Variants in TMEM196 observed in about 807,000 individuals in gnomAD.
TMEM196 encodes transmembrane protein 196.
In TMEM196, 17 loss-of-function variants were observed where a neutral mutation model predicts 20.0. That is an observed-to-expected ratio of 0.85 (90% CI 0.58 to 1.27). The LOEUF (loss-of-function observed/expected upper bound fraction) is 1.27, where lower values mean the gene tolerates loss of function less well. TMEM196 is among the 50% of genes most tolerant of loss of function. TMEM196 has a pLI of 0.00. For synonymous variants in TMEM196, 113 were observed against 88.9 expected, an observed-to-expected ratio of 1.27 and a Z score of -1.52; for missense variants, 267 against 223.0, an observed-to-expected ratio of 1.20 and a Z score of -1.26.
chr7:19,763,622 C>T (rs941714163), intron 1 of TMEM196, among the ~76,000 whole-genome samples: 2 of 152,040 alleles, frequency 1.3e-5, no homozygotes, highest in Non-Finnish European at 2.9e-5. Context: ...AGCCTAGAGT[C>T]CAAGGTCAAT....
At position 19,773,243 on chromosome 7, in the gene TMEM196, G is replaced by C. The variant is rs1785965526; in HGVS notation, c.-547C>G. 6.6e-6 allele frequency: 1 copy of C among 152,354 alleles called. No individual in the cohort carries two copies. The highest frequency in any genetic ancestry group is 1.5e-5 in the Non-Finnish European group (1 of 68,144). The allele number at this position is 152,354 out of a possible 1,614,324, so 9.4% of individuals were successfully genotyped here. On this transcript the variant is annotated 5_prime_UTR_variant, in exon 1 of 5. Transcript: ENST00000405844. ...CTTTGTTTTCGTGGCAATGCGAAGT[G>C]CTTCTGCAAGTCTCTGGGTCCCCAG...
At chr7:19,761,393 T>C (rs17141931) in intron 1 of TMEM196, among the ~76,000 whole-genome samples, 14,519 of 152,262 alleles carry the variant, frequency 0.095, 1,223 homozygotes, top group African/African-American at 0.22. Flanking sequence ...TCTTCCACTA[T>C]AGAAAATTTC....
At chr7:19,769,643 T>C (rs1012920748) in intron 1 of TMEM196, among the ~76,000 whole-genome samples, 2 of 152,090 alleles carry the variant, frequency 1.3e-5, no homozygotes, top group Non-Finnish European at 2.9e-5. Flanking sequence ...ATCAGCCCTT[T>C]ATATTCCCAA....
In TMEM196 at chr7:19,769,544, C is replaced by T. The variant is rs561400720; in HGVS notation, c.147+3006G>A. 2.0e-5 allele frequency among the ~76,000 whole-genome samples: 3 copies of T among 152,104 alleles called. No homozygotes were observed. In the South Asian group the frequency reaches 6.2e-4, roughly 32 times the overall value. ...ACTGAAAGACTCTCTCTTCTCATGC[C>T]CTCCACTGCCAGTCTGTGCACTCAG... is the stretch of plus-strand genomic sequence containing the variant. On this transcript the variant is annotated intron_variant, in intron 1 of 4. Transcript: ENST00000405844.
At chr7:19,745,407 T>C (rs1165384305) in intron 1 of TMEM196, among the ~76,000 whole-genome samples, 4 of 151,972 alleles carry the variant, frequency 2.6e-5, no homozygotes, top group African/African-American at 9.7e-5. Flanking sequence ...TTGCTCCCAG[T>C]AAAAAGATTT....
chr7:19,744,439 AT>A (rs1248061418), intron 1 of TMEM196, among the ~76,000 whole-genome samples: 3 of 152,262 alleles, frequency 2.0e-5, no homozygotes, highest in Non-Finnish European at 2.9e-5. Context: ...AGCCTGACAG[AT>A]TTTCTGTTTC....
chr7:19,725,912 AT>A (rs61617474), intron 2 of TMEM196, 144 bp from the exon 3 acceptor site: 10,700 of 885,542 alleles, frequency 0.012, 298 homozygotes, highest in African/African-American at 0.1. Flanking sequence ...AGGACAGGAG[AT>A]TTTTTTTTTA....
chr7:19,773,398 T>G lies in TMEM196; in HGVS notation c.-702A>C, dbSNP rs1270291836. ...CTCGTCGTCGTCCTCTTCCTCCTCC[T>G]TTCTCTCGAGCTGATTCTCTTTCAT... On this transcript the variant is annotated 5_prime_UTR_variant, in exon 1 of 5. Coordinates refer to ENST00000405844, the MANE Select transcript of TMEM196 (RefSeq NM_001363562.2). 1.2e-5 allele frequency: 2 copies of G among 161,096 alleles called. No homozygotes were observed. The highest frequency in any genetic ancestry group is 4.8e-5 in the African/African-American group (2 of 41,518). 10.0% of individuals were successfully genotyped at this position (161,096 alleles called of 1,614,324 possible). A position where few individuals can be genotyped will look rare whatever the true frequency, so the allele number is the denominator to read the frequency against.
At chr7:19,732,844 C>T (rs933769854) in intron 1 of TMEM196, among the ~76,000 whole-genome samples, 6 of 152,174 alleles carry the variant, frequency 3.9e-5, no homozygotes, top group African/African-American at 1.2e-4. Flanking sequence ...TTTCAAAATA[C>T]ACTTTCTTTT....
intron 2 of TMEM196, among the ~76,000 whole-genome samples, chr7:19,727,465 G>A (rs1187673390): frequency 1.3e-5 from 2 of 152,060 alleles, no homozygotes; most frequent in African/African-American, 4.8e-5. Context: ...TAATGAACGG[G>A]TAAAATCTTT....
intron 1 of TMEM196, among the ~76,000 whole-genome samples, chr7:19,744,360 T>TA: frequency 6.6e-6 from 1 of 152,260 alleles, no homozygotes; most frequent in Non-Finnish European, 1.5e-5. Context: ...CTACAGAGAA[T>TA]AAAAAATAAC....
intron 2 of TMEM196, among the ~76,000 whole-genome samples, chr7:19,728,046 T>A (rs553439946): frequency 9.9e-5 from 15 of 152,232 alleles, no homozygotes; most frequent in African/African-American, 2.9e-4. Flanking sequence ...TGGGCGGTAG[T>A]TTCTTAAAAA....
chr7:19,734,276 T>C (rs553452182), intron 1 of TMEM196, among the ~76,000 whole-genome samples: 88 of 152,290 alleles, frequency 5.8e-4, no homozygotes, highest in African/African-American at 1.9e-3. Flanking sequence ...ACTTTCAAAC[T>C]TTTCAATGTA....
chr7:19,727,111 T>C (rs1188909669), intron 2 of TMEM196, among the ~76,000 whole-genome samples: 2 of 152,192 alleles, frequency 1.3e-5, no homozygotes, highest in Non-Finnish European at 2.9e-5. Flanking sequence ...TCATTGACGG[T>C]TGAGTTTAGC....
At chr7:19,742,253 C>A (rs974675000) in intron 1 of TMEM196, among the ~76,000 whole-genome samples, 2 of 152,088 alleles carry the variant, frequency 1.3e-5, no homozygotes, top group Non-Finnish European at 2.9e-5. Flanking sequence ...TCATGCCATG[C>A]CTATCTAAAA....
intron 1 of TMEM196, among the ~76,000 whole-genome samples, chr7:19,750,042 ATGTCTACCCAT>A (rs1784902411): frequency 6.6e-6 from 1 of 152,188 alleles, no homozygotes; most frequent in Non-Finnish European, 1.5e-5. Flanking sequence ...TATACCCAGC[ATGTCTACCCAT>A]TGTCTACACA....
intron 2 of TMEM196, 61 bp from the exon 3 acceptor site, chr7:19,725,829 T>C: frequency 6.6e-7 from 1 of 1,509,748 alleles, no homozygotes; most frequent in Non-Finnish European, 8.9e-7. Context: ...AGAACACAGT[T>C]GCCCTGTCCG....
At chr7:19,732,191 C>T (rs1784227689) in intron 1 of TMEM196, among the ~76,000 whole-genome samples, 2 of 152,116 alleles carry the variant, frequency 1.3e-5, no homozygotes, top group South Asian at 4.1e-4. Flanking sequence ...CAGAGAGGTC[C>T]AGAGAGTTAG....
At chr7:19,770,609 G>C (rs1583467299) in intron 1 of TMEM196, among the ~76,000 whole-genome samples, 1 of 152,030 alleles carries the variant, frequency 6.6e-6, no homozygotes, top group African/African-American at 2.4e-5. Context: ...TGATTTTATT[G>C]AATCAGACAA....
Sources: allele counts gnomAD v4.1 joint callset (sites outside exome capture counted in the v4.1 genomes callset), GRCh38; gene constraint gnomAD v4.1.1; transcripts MANE v1.5; gene names NCBI Gene and HGNC (gene_info 2026-07-23, HGNC 2026-07-21).